IRAG1: variants seen among roughly 807,000 people sequenced by gnomAD.
The protein encoded by IRAG1 is IP3R-associated cGMP kinase substrate.
A neutral mutation model predicts 106.2 loss-of-function variants in IRAG1; 62 were observed. That is an observed-to-expected ratio of 0.58 (90% CI 0.48 to 0.72). The LOEUF (loss-of-function observed/expected upper bound fraction) is 0.72. IRAG1 is among the 30% of genes least tolerant of loss of function. The pLI is 0.00. For missense variants in IRAG1, 1,064 were observed against 1,140.7 expected (o/e 0.93, Z 0.97); for synonymous variants, 462 against 443.9 (o/e 1.04, Z -0.51).
chr11:10,632,043 C>G lies in IRAG1; in HGVS notation c.348G>C (p.Lys116Asn), dbSNP rs553653017. The G allele has an allele frequency of 1.9e-6, 3 of 1,613,800 alleles. No individual in the cohort carries two copies. Among genetic ancestry groups the G allele is most frequent in the Middle Eastern group, 1.7e-4 (1 of 6,036 alleles). The change falls in exon 4 of 21, where the codon AAG becomes AAC. Residue 116 changes from lysine (K) to asparagine (N), a missense_variant. Physicochemically the swap from Lys to Asn is moderately conservative, Grantham distance 94. Coordinates refer to ENST00000423302, the MANE Select transcript of IRAG1 (RefSeq NM_130385.4). ...CCTTCAAGTGTCGGTGAGAAAGCCT[C>G]TTGTGGGGACTGTGAACTCTGAAAG... Reference protein sequence around the residue: ...NLANRVHSPHKRLSHRHLKVS... With the variant: ...NLANRVHSPHNRLSHRHLKVS...
intron 1 of IRAG1, among the ~76,000 whole-genome samples, chr11:10,681,762 G>A (rs1861278237): frequency 6.6e-6 from 1 of 152,176 alleles, no homozygotes; most frequent in African/African-American, 2.4e-5. Context: ...ACGGATGCTG[G>A]AAGACCTTGA....
chr11:10,576,447 T>C lies in IRAG1; in HGVS notation c.2624A>G (p.Tyr875Cys), dbSNP rs748752897. 15 of 1,613,818 alleles carry C rather than the reference T, an allele frequency of 9.3e-6. No homozygotes were observed. Among genetic ancestry groups the C allele is most frequent in the Middle Eastern group, 3.3e-4 (2 of 6,084 alleles). The change falls in exon 21 of 21, where the codon TAT (tyrosine) becomes TGT (cysteine). Residue 875 changes from tyrosine to cysteine, a missense_variant. By Grantham distance (194) the Tyr-to-Cys change is radical. Coordinates refer to ENST00000423302, the MANE Select transcript of IRAG1 (RefSeq NM_130385.4). ...ATCAGCCTGCTCTGCACAAGAGTTA[T>C]AGGAATTGTAGAGCCCCAGCACAAC... ...LTVVLGLYNSYNSCAEQADGP... is the reference protein window; with the variant it reads ...LTVVLGLYNSCNSCAEQADGP...
chr11:10,693,491 C>G (rs768336994), intron 1 of IRAG1, 45 bp downstream of exon 1: 13 of 1,534,992 alleles, frequency 8.5e-6, no homozygotes, highest in Non-Finnish European at 1.1e-5. Flanking sequence ...CCCTCCGCTT[C>G]CCAGCCGAAG....
At chr11:10,678,344 C>T (rs1234953427) in intron 1 of IRAG1, among the ~76,000 whole-genome samples, 4 of 152,214 alleles carry the variant, frequency 2.6e-5, no homozygotes, top group African/African-American at 9.7e-5. Flanking sequence ...TTCATCTTGT[C>T]GTCTCCTGAT....
At chr11:10,606,362 A>G (rs1308020104) in intron 12 of IRAG1, among the ~76,000 whole-genome samples, 1 of 152,106 alleles carries the variant, frequency 6.6e-6, no homozygotes, top group Admixed American at 6.5e-5. Flanking sequence ...CCCCTTTCCC[A>G]CTAAACTAAA....
intron 15 of IRAG1, among the ~76,000 whole-genome samples, chr11:10,597,260 C>A (rs947546457): frequency 6.6e-6 from 1 of 152,100 alleles, no homozygotes; most frequent in Non-Finnish European, 1.5e-5. Context: ...TTGAGGAGTT[C>A]TATTTTATTC....
At chr11:10,603,390 A>G in intron 13 of IRAG1, 139 bp from the exon 14 acceptor site, 2 of 912,018 alleles carry the variant, frequency 2.2e-6, no homozygotes, top group East Asian at 5.3e-5. Context: ...TGGTTTGGGG[A>G]TGAAACTCTT....
intron 1 of IRAG1, among the ~76,000 whole-genome samples, chr11:10,691,771 G>A (rs1034555741): frequency 3.3e-5 from 5 of 152,132 alleles, no homozygotes; most frequent in Non-Finnish European, 5.9e-5. Context: ...AAGGGGGCCG[G>A]TGATTCCCCC....
intron 18 of IRAG1, chr11:10,588,941 G>T (rs1033786229): frequency 6.6e-6 from 1 of 152,144 alleles, no homozygotes; most frequent in African/African-American, 2.4e-5. Flanking sequence ...TTGTGGAACT[G>T]CTCTTGAGCT....
At chr11:10,654,637 A>G (rs998142726) in intron 1 of IRAG1, among the ~76,000 whole-genome samples, 2 of 152,226 alleles carry the variant, frequency 1.3e-5, no homozygotes, top group East Asian at 3.8e-4. Context: ...GACGCTGGAG[A>G]ACAGTATAAT....
intron 13 of IRAG1, 23 bp from the exon 14 acceptor site, chr11:10,603,274 C>T (rs1176035057): frequency 6.2e-7 from 1 of 1,611,178 alleles, no homozygotes; most frequent in African/African-American, 1.3e-5. Flanking sequence ...AGGAGCATCA[C>T]CTGGGGTCCT....
At chr11:10,588,301 C>T (rs538305334) in intron 18 of IRAG1, among the ~76,000 whole-genome samples, 302 of 152,196 alleles carry the variant, frequency 2.0e-3, no homozygotes, top group African/African-American at 7.0e-3. Context: ...ATTATGTACC[C>T]TTTAGATTTT....
rs187327517 is a variant in IRAG1 at position 10,600,203 on chromosome 11, A to G, written c.2017+715T>C. Among the ~76,000 whole-genome samples the G allele has an allele frequency of 4.3e-4, 66 of 152,284 alleles. No homozygotes were observed. In the East Asian group the frequency reaches 8.7e-3, roughly 20 times the overall value. ...TTGAAGGCTTCTTTGTCTCCCTTCA[A>G]GCAGAATCAGGTGGGCCCTCCCCCG... On this transcript the variant is annotated intron_variant, in intron 15 of 20. Transcript: ENST00000423302.
chr11:10,603,369 G>T (rs1854194293), intron 13 of IRAG1, 118 bp from the exon 14 acceptor site: 1 of 1,155,532 alleles, frequency 8.7e-7, no homozygotes, highest in Non-Finnish European at 1.2e-6. Flanking sequence ...CCACAAACCT[G>T]GTGGGGGCGA....
intron 10 of IRAG1, among the ~76,000 whole-genome samples, chr11:10,619,247 A>T (rs1855658662): frequency 1.3e-5 from 2 of 152,242 alleles, no homozygotes; most frequent in African/African-American, 4.8e-5. Context: ...TGAGCCTCCC[A>T]GTCCTCACAA....
chr11:10,624,610 C>T (rs1331035087), intron 9 of IRAG1, among the ~76,000 whole-genome samples: 1 of 147,020 alleles, frequency 6.8e-6, no homozygotes, highest in Non-Finnish European at 1.5e-5. Context: ...AATGGTTTGT[C>T]CCCCGAGAAG....
At chr11:10,591,433 A>G in intron 18 of IRAG1, 115 bp downstream of exon 18, 2 of 977,824 alleles carry the variant, frequency 2.0e-6, no homozygotes, top group Non-Finnish European at 3.1e-6. Context: ...CATTTCCCTT[A>G]AAACTTAATT....
At chr11:10,640,734 A>G (rs1265852971) in intron 2 of IRAG1, among the ~76,000 whole-genome samples, 1 of 152,204 alleles carries the variant, frequency 6.6e-6, no homozygotes, top group African/African-American at 2.4e-5. Context: ...GGAGAGCAGT[A>G]AGACCAAATA....
chr11:10,619,213 G>T (rs1450766025), intron 10 of IRAG1, among the ~76,000 whole-genome samples: 1 of 152,214 alleles, frequency 6.6e-6, no homozygotes, highest in Non-Finnish European at 1.5e-5. Context: ...TGGGTTGTTG[G>T]AAAGACTAGA....
Sources: allele counts gnomAD v4.1 joint callset (sites outside exome capture counted in the v4.1 genomes callset), GRCh38; gene constraint gnomAD v4.1.1; transcripts MANE v1.5; gene names NCBI Gene and HGNC (gene_info 2026-07-23, HGNC 2026-07-21).